The following VKORC1L1 variants were observed in gnomAD, a reference collection of about 807,000 sequenced individuals.
VKORC1L1 encodes vitamin K epoxide reductase complex subunit 1-like protein 1.
In VKORC1L1, 2 loss-of-function variants were observed where a neutral mutation model predicts 18.9. The ratio of observed to expected loss-of-function variants is 0.11; its 90% CI spans 0.04 to 0.33. The LOEUF (loss-of-function observed/expected upper bound fraction) is 0.33, where lower values mean the gene tolerates loss of function less well. Among genes scored for constraint, VKORC1L1 ranks in the 10% least tolerant of loss-of-function variants. VKORC1L1 has a pLI of 1.00. For missense variants in VKORC1L1, 123 were observed against 224.1 expected, an observed-to-expected ratio of 0.55 and a Z score of 2.88; for synonymous variants, 96 against 100.0, an observed-to-expected ratio of 0.96 and a Z score of 0.24.
chr7:65,889,256 T>A (rs1169364938), intron 1 of VKORC1L1, among the ~76,000 whole-genome samples: 1 of 152,206 alleles, frequency 6.6e-6, no homozygotes, highest in East Asian at 1.9e-4. Flanking sequence ...TACCCCAACC[T>A]CTGCTGTTGA....
chr7:65,889,046 A>G (rs1789066239), intron 1 of VKORC1L1, among the ~76,000 whole-genome samples: 2 of 151,242 alleles, frequency 1.3e-5, no homozygotes, highest in African/African-American at 2.4e-5. Context: ...CTCTTGCTTA[A>G]TGGTTCGTGA....
At chr7:65,933,889 A>G (rs1789898361) in intron 1 of VKORC1L1, among the ~76,000 whole-genome samples, 1 of 152,168 alleles carries the variant, frequency 6.6e-6, no homozygotes, top group Non-Finnish European at 1.5e-5. Context: ...TAGATTTTAT[A>G]TTTAGCAACT....
intron 1 of VKORC1L1, among the ~76,000 whole-genome samples, chr7:65,920,253 GTC>G (rs1176940478): frequency 2.0e-5 from 3 of 151,982 alleles, no homozygotes; most frequent in Non-Finnish European, 4.4e-5. Flanking sequence ...TTTTCTGCTC[GTC>G]TCTCTCTCCA....
chr7:65,954,355 T>C lies in VKORC1L1; in HGVS notation c.*55T>C. 1 of 1,574,756 alleles carries C rather than the reference T, an allele frequency of 6.4e-7. No homozygotes were observed. The highest frequency in any genetic ancestry group is 8.6e-7 in the Non-Finnish European group (1 of 1,163,530). On this transcript the variant is annotated 3_prime_UTR_variant, in exon 3 of 3. Coordinates refer to ENST00000360768, the MANE Select transcript of VKORC1L1 (RefSeq NM_173517.6). The stretch of plus-strand genomic sequence containing the variant: ...AAGCCCCTTTCCATTCAGTTTATTT[T>C]GCAGCAGGTTTTTATTATTATTATT...
chr7:65,877,892 G>A (rs1254918159), intron 1 of VKORC1L1, among the ~76,000 whole-genome samples: 1 of 152,024 alleles, frequency 6.6e-6, no homozygotes, highest in Non-Finnish European at 1.5e-5. Flanking sequence ...CCCACTGTGG[G>A]CCCTGCAGAA....
intron 1 of VKORC1L1, among the ~76,000 whole-genome samples, chr7:65,935,435 G>A (rs1038588731): frequency 2.0e-5 from 3 of 151,806 alleles, no homozygotes; most frequent in South Asian, 2.1e-4. Context: ...TCAGCCTCCC[G>A]AGTAGCTGGA....
At chr7:65,903,169 A>ATTTTT (rs147374619) in intron 1 of VKORC1L1, among the ~76,000 whole-genome samples, 2 of 118,416 alleles carry the variant, frequency 1.7e-5, no homozygotes, top group Non-Finnish European at 3.6e-5. Flanking sequence ...CTTGGCCTTC[A>ATTTTT]TTTTTTTTTT....
At chr7:65,951,271 G>A (rs910329435) in intron 2 of VKORC1L1, among the ~76,000 whole-genome samples, 2 of 152,058 alleles carry the variant, frequency 1.3e-5, no homozygotes, top group Non-Finnish European at 2.9e-5. Flanking sequence ...ATCCATTCAC[G>A]TGGTTCAAAA....
chr7:65,876,409 G>A (rs1159138200), intron 1 of VKORC1L1, among the ~76,000 whole-genome samples: 1 of 151,824 alleles, frequency 6.6e-6, no homozygotes, highest in Non-Finnish European at 1.5e-5. Context: ...GGCTGAGGCA[G>A]GAGAATCACT....
At chr7:65,903,216 G>A (rs1418332376) in intron 1 of VKORC1L1, among the ~76,000 whole-genome samples, 6 of 150,230 alleles carry the variant, frequency 4.0e-5, no homozygotes, top group African/African-American at 1.5e-4. Context: ...GCCCAGGCTG[G>A]AGTGCAGTGG....
chr7:65,934,465 A>G (rs1342642665), intron 1 of VKORC1L1, among the ~76,000 whole-genome samples: 1 of 152,178 alleles, frequency 6.6e-6, no homozygotes, highest in East Asian at 1.9e-4. Flanking sequence ...ATGCTGTGCA[A>G]TAGATCTCAA....
chr7:65,940,703 C>T (rs1242910465), intron 1 of VKORC1L1, among the ~76,000 whole-genome samples: 3 of 152,106 alleles, frequency 2.0e-5, no homozygotes, highest in African/African-American at 4.8e-5. Context: ...AAGTATTGCT[C>T]AGAAGGGGTT....
the VKORC1L1 span, among the ~76,000 whole-genome samples, chr7:65,866,675 T>C: frequency 6.6e-6 from 1 of 152,162 alleles, no homozygotes; most frequent in Non-Finnish European, 1.5e-5. Context: ...TGTGGGAGGC[T>C]GAGGCAGGAG....
chr7:65,940,348 C>A (rs181857802), intron 1 of VKORC1L1, among the ~76,000 whole-genome samples: 206 of 152,210 alleles, frequency 1.4e-3, no homozygotes, highest in Non-Finnish European at 2.3e-3. Context: ...TAATTACATA[C>A]CCAAACAATC....
chr7:65,901,674 G>C (rs970353307), intron 1 of VKORC1L1, among the ~76,000 whole-genome samples: 8 of 152,090 alleles, frequency 5.3e-5, no homozygotes, highest in Non-Finnish European at 1.2e-4. Flanking sequence ...GGGGGTTGGC[G>C]GGGAGGGAAG....
intron 1 of VKORC1L1, among the ~76,000 whole-genome samples, chr7:65,941,116 T>C (rs1790025347): frequency 6.6e-6 from 1 of 152,098 alleles, no homozygotes; most frequent in Non-Finnish European, 1.5e-5. Context: ...TATTTCTTTT[T>C]TTTCTTTTCT....
chr7:65,924,082 T>C (rs956792702), intron 1 of VKORC1L1, among the ~76,000 whole-genome samples: 1 of 152,182 alleles, frequency 6.6e-6, no homozygotes, highest in Non-Finnish European at 1.5e-5. Flanking sequence ...AAGGTTTTAA[T>C]GTGTTGAGAC....
At chr7:65,875,149 A>G (rs1474236407) in intron 1 of VKORC1L1, among the ~76,000 whole-genome samples, 2 of 152,194 alleles carry the variant, frequency 1.3e-5, no homozygotes, top group Non-Finnish European at 2.9e-5. Context: ...CTTATTTGCC[A>G]TGTATACAGT....
chr7:65,917,975 TTAG>T (rs1445088598), intron 1 of VKORC1L1, among the ~76,000 whole-genome samples: 25 of 152,254 alleles, frequency 1.6e-4, no homozygotes, highest in African/African-American at 5.3e-4. Context: ...TCGCGATAGG[TTAG>T]TAGTGACATC....
Sources: allele counts gnomAD v4.1 joint callset (sites outside exome capture counted in the v4.1 genomes callset), GRCh38; gene constraint gnomAD v4.1.1; transcripts MANE v1.5; gene names NCBI Gene and HGNC (gene_info 2026-07-23, HGNC 2026-07-21).